Variants in ME3 observed in about 807,000 individuals in gnomAD.
The protein encoded by ME3 is malic enzyme 3, also known as NADP-dependent malic enzyme, mitochondrial.
ME3 carries 48 observed loss-of-function variants against 68.9 expected under a neutral mutation model. The observed-to-expected ratio is 0.70, with a 90% CI of 0.55 to 0.89. The LOEUF is 0.89. Ranked by LOEUF, ME3 falls within the 40% of genes least tolerant of loss-of-function variation. The pLI is 0.00. For missense variants in ME3, 675 were observed against 797.4 expected (o/e 0.85, Z 1.85); for synonymous variants, 320 against 318.8 (o/e 1.00, Z -0.04).
chr11:86,612,584 G>C (rs1942666682), intron 2 of ME3, among the ~76,000 whole-genome samples: 1 of 152,134 alleles, frequency 6.6e-6, no homozygotes, highest in African/African-American at 2.4e-5. Flanking sequence ...ATTGTTTCCA[G>C]ACTTTTTAAT....
chr11:86,521,424 A>C (rs1274373844), intron 4 of ME3, among the ~76,000 whole-genome samples: 1 of 126,728 alleles, frequency 7.9e-6, no homozygotes, highest in East Asian at 2.0e-4. Flanking sequence ...AAAACAAAAC[A>C]AAACAAAAAT....
At chr11:86,526,404 A>G (rs1259749706) in intron 4 of ME3, among the ~76,000 whole-genome samples, 1 of 152,220 alleles carries the variant, frequency 6.6e-6, no homozygotes, top group East Asian at 1.9e-4. Context: ...CTGCAGCCCA[A>G]GGAGGCCTGC....
intron 4 of ME3, among the ~76,000 whole-genome samples, chr11:86,527,381 A>G (rs951809522): frequency 2.6e-5 from 4 of 152,204 alleles, no homozygotes; most frequent in East Asian, 1.9e-4. Context: ...GACCAAATCT[A>G]TGTCTGACTG....
chr11:86,594,735 A>G (rs1440726385), intron 2 of ME3, among the ~76,000 whole-genome samples: 1 of 146,532 alleles, frequency 6.8e-6, no homozygotes, highest in Non-Finnish European at 1.5e-5. Context: ...TCTGCTCTCC[A>G]AATGTGAAAT....
At chr11:86,560,744 G>GTGTGTGTA (rs1465595094) in intron 2 of ME3, among the ~76,000 whole-genome samples, 3,795 of 65,206 alleles carry the variant, frequency 0.058, 113 homozygotes, top group Non-Finnish European at 0.082. Context: ...GTGTGTGTGT[G>GTGTGTGTA]TGTGTATATA....
chr11:86,462,225 T>C (rs950762552), intron 8 of ME3, among the ~76,000 whole-genome samples: 46 of 152,164 alleles, frequency 3.0e-4, no homozygotes, highest in African/African-American at 1.0e-3. Flanking sequence ...TTTTAAAATT[T>C]TGGAGGTTTG....
chr11:86,453,875 C>T (rs1182877439), intron 8 of ME3, among the ~76,000 whole-genome samples: 2 of 152,206 alleles, frequency 1.3e-5, no homozygotes, highest in African/African-American at 4.8e-5. Flanking sequence ...CCACTAACTG[C>T]CACCTCCTCT....
intron 2 of ME3, among the ~76,000 whole-genome samples, chr11:86,610,118 G>A (rs1942455058): frequency 6.6e-6 from 1 of 152,144 alleles, no homozygotes; most frequent in Admixed American, 6.5e-5. Flanking sequence ...ATGCCTCCAT[G>A]TGTAGTAGAA....
intron 2 of ME3, among the ~76,000 whole-genome samples, chr11:86,560,748 G>GTGTATGTGTGTGTATATATATATATATA: frequency 1.6e-5 from 1 of 62,530 alleles, no homozygotes; most frequent in Non-Finnish European, 3.1e-5. Flanking sequence ...GTGTGTGTGT[G>GTGTATGTGTGTGTATATATATATATATA]TATATATATA....
In ME3 at chr11:86,448,152, A is replaced by G. The variant is rs776434862; in HGVS notation, c.1235T>C (p.Ile412Thr). 84 of 1,611,104 alleles carry G rather than the reference A, an allele frequency of 5.2e-5. 1 individual carries two copies. The highest frequency in any genetic ancestry group is 6.6e-5 in the Non-Finnish European group (78 of 1,177,342). The change falls in exon 11 of 15, where the codon ATA (isoleucine) becomes ACA (threonine). Residue 412 changes from isoleucine to threonine, a missense_variant and splice_region_variant. Coordinates refer to ENST00000543262, the Ensembl canonical transcript of ME3. ...GTGGGTACCCTCCCTCCTCCTACCTATGATGGCTGTGGGCTTCACCAGCCT... is the reference window on the plus strand; with the variant it reads ...GTGGGTACCCTCCCTCCTCCTACCTGTGATGGCTGTGGGCTTCACCAGCCT...
chr11:86,511,912 G>A (rs1044868946), intron 4 of ME3, among the ~76,000 whole-genome samples: 3 of 151,694 alleles, frequency 2.0e-5, no homozygotes, highest in Non-Finnish European at 4.4e-5. Flanking sequence ...AAATGGTCCT[G>A]TGGCCCCTAC....
intron 4 of ME3, among the ~76,000 whole-genome samples, chr11:86,549,615 G>C (rs1331917339): frequency 1.3e-5 from 2 of 152,198 alleles, no homozygotes; most frequent in Non-Finnish European, 2.9e-5. Flanking sequence ...AACCACCCTT[G>C]AGCCTGATGT....
intron 2 of ME3, among the ~76,000 whole-genome samples, chr11:86,594,430 G>A (rs900440976): frequency 6.9e-6 from 1 of 145,908 alleles, no homozygotes; most frequent in Non-Finnish European, 1.5e-5. Flanking sequence ...ATGACTCACA[G>A]CTATAATCCC....
chr11:86,460,116 C>G (rs1950158174), intron 8 of ME3, among the ~76,000 whole-genome samples: 1 of 152,230 alleles, frequency 6.6e-6, no homozygotes, highest in South Asian at 2.1e-4. Flanking sequence ...AGATGCTTCT[C>G]TGGTCCCAGC....
At chr11:86,446,533 G>A in intron 12 of ME3, 46 bp from the exon 13 acceptor site, 1 of 1,591,476 alleles carries the variant, frequency 6.3e-7, no homozygotes, top group Non-Finnish European at 8.6e-7. Context: ...GATTGGTTTG[G>A]GGTAATAATA....
downstream of ME3, among the ~76,000 whole-genome samples, chr11:86,439,060 C>A (rs919587048): frequency 2.0e-5 from 3 of 152,148 alleles, no homozygotes; most frequent in African/African-American, 4.8e-5. Context: ...GAGGGCGAAT[C>A]CATTTTTTCT....
rs963790218 is a variant in ME3, at chr11:86,446,766, A to G, written c.1381-279T>C. The G allele has an allele frequency of 3.7e-4, 221 of 592,614 alleles. 4 individuals carry two copies. The South Asian group carries it at 4.5e-3, about 12-fold the overall frequency. 36.7% of individuals were successfully genotyped at this position (592,614 alleles called of 1,614,324 possible). On this transcript the variant is annotated intron_variant, in intron 12 of 14. Transcript: ENST00000543262. ...TGGGGCCAACCCAGGACATGACAGG[A>G]TGTGGCCTAGAGTCTACAAGTGCCT...
At chr11:86,456,146 C>G (rs1949909833) in intron 8 of ME3, among the ~76,000 whole-genome samples, 1 of 152,178 alleles carries the variant, frequency 6.6e-6, no homozygotes, top group African/African-American at 2.4e-5. Context: ...TTGAGATGCA[C>G]TGAACTAGAT....
At chr11:86,598,555 T>G (rs1274549389) in intron 2 of ME3, among the ~76,000 whole-genome samples, 1 of 152,180 alleles carries the variant, frequency 6.6e-6, no homozygotes, top group Non-Finnish European at 1.5e-5. Context: ...CAGTAACCTC[T>G]GCAGACTTAA....
Sources: allele counts gnomAD v4.1 joint callset (sites outside exome capture counted in the v4.1 genomes callset), GRCh38; gene constraint gnomAD v4.1.1; transcripts MANE v1.5; gene names NCBI Gene and HGNC (gene_info 2026-07-23, HGNC 2026-07-21).